IMMP2L: variants seen among roughly 807,000 people sequenced by gnomAD.
IMMP2L encodes mitochondrial inner membrane protease subunit 2.
In IMMP2L, 18 loss-of-function variants were observed where a neutral mutation model predicts 19.3. That is an observed-to-expected ratio of 0.93 (90% CI 0.64 to 1.38). The LOEUF (loss-of-function observed/expected upper bound fraction) is 1.38, where lower values mean the gene tolerates loss of function less well. Ranked by LOEUF, IMMP2L falls within the 40% of genes most tolerant of loss-of-function variation. The pLI, the probability that IMMP2L is intolerant of heterozygous loss-of-function variation, is 0.00. For synonymous variants in IMMP2L, 76 were observed against 73.0 expected (o/e 1.04, Z -0.21); for missense variants, 233 against 218.2 (o/e 1.07, Z -0.43).
rs986444046 is a variant in IMMP2L at position 111,289,419 on chromosome 7, T to TA, written c.239+197818dup. 2.9e-3 allele frequency among the ~76,000 whole-genome samples: 389 copies of TA among 134,430 alleles called. 1 individual carries two copies. The highest frequency in any genetic ancestry group is 7.1e-3 in the African/African-American group (258 of 36,494). The allele number at this position is 134,430 out of a possible 152,430, so 88.2% of individuals were successfully genotyped here. A position where few individuals can be genotyped will look rare whatever the true frequency, so the allele number is the denominator to read the frequency against. ...TGTACCCCAGAACTTAAAGTATAAT[T>TA]AAAAAAAAAAAAAGCCTGGAAAGAC... On this transcript the variant is annotated intron_variant, in intron 3 of 5. Transcript: ENST00000405709.
At chr7:111,216,295 T>G (rs553476281) in intron 3 of IMMP2L, among the ~76,000 whole-genome samples, 113 of 152,312 alleles carry the variant, frequency 7.4e-4, no homozygotes, top group South Asian at 3.3e-3. Context: ...GATGAAGGAT[T>G]AACTATATCA....
intron 4 of IMMP2L, among the ~76,000 whole-genome samples, chr7:110,938,026 T>A (rs2129552623): frequency 6.6e-6 from 1 of 152,238 alleles, no homozygotes; most frequent in East Asian, 1.9e-4. Context: ...CTCTCTCCCA[T>A]TCATGCTCCT....
At chr7:110,835,366 T>G (rs2131406044) in intron 5 of IMMP2L, among the ~76,000 whole-genome samples, 1 of 152,206 alleles carries the variant, frequency 6.6e-6, no homozygotes. Flanking sequence ...TAATATGCGG[T>G]ATGGCAGTGC....
intron 3 of IMMP2L, among the ~76,000 whole-genome samples, chr7:111,231,239 A>G (rs1040550646): frequency 3.3e-5 from 5 of 152,006 alleles, no homozygotes; most frequent in Non-Finnish European, 5.9e-5. Context: ...ATTTTACACC[A>G]TCATCTATTT....
chr7:111,289,460 T>G (rs919316313), intron 3 of IMMP2L, among the ~76,000 whole-genome samples: 1 of 151,886 alleles, frequency 6.6e-6, no homozygotes, highest in Non-Finnish European at 1.5e-5. Flanking sequence ...GGTGGCAAAT[T>G]CTGAATGATC....
At chr7:111,206,939 T>TA (rs35550604) in intron 3 of IMMP2L, among the ~76,000 whole-genome samples, 8 of 152,028 alleles carry the variant, frequency 5.3e-5, no homozygotes, top group East Asian at 3.9e-4. Context: ...AATAAGTGGA[T>TA]AAAAAAAAGA....
intron 3 of IMMP2L, among the ~76,000 whole-genome samples, chr7:111,416,939 T>C (rs1835006445): frequency 6.6e-6 from 1 of 151,770 alleles, no homozygotes; most frequent in Non-Finnish European, 1.5e-5. Flanking sequence ...AAATTAGATA[T>C]ATACTATCCA....
chr7:110,714,584 C>CTTTGTTTG (rs750709006), intron 5 of IMMP2L, among the ~76,000 whole-genome samples: 1 of 151,874 alleles, frequency 6.6e-6, no homozygotes, highest in Non-Finnish European at 1.5e-5. Flanking sequence ...TGGTACAGAG[C>CTTTGTTTG]TTTGTTTGTT....
At chr7:111,266,168 A>C (rs779493441) in intron 3 of IMMP2L, among the ~76,000 whole-genome samples, 1 of 152,184 alleles carries the variant, frequency 6.6e-6, no homozygotes, top group Non-Finnish European at 1.5e-5. Context: ...TATCTCTACA[A>C]ACATAAGTAA....
intron 3 of IMMP2L, among the ~76,000 whole-genome samples, chr7:111,252,993 A>G (rs924564250): frequency 6.6e-6 from 1 of 152,134 alleles, no homozygotes; most frequent in South Asian, 2.1e-4. Flanking sequence ...AGAGTTATAA[A>G]ATGTTCATAG....
At chr7:111,537,969 T>A (rs1269618959) in intron 1 of IMMP2L, among the ~76,000 whole-genome samples, 1 of 152,052 alleles carries the variant, frequency 6.6e-6, no homozygotes, top group East Asian at 1.9e-4. Flanking sequence ...CACCTTTCTT[T>A]GTTTTGGCCA....
chr7:110,701,790 T>TAAAG (rs915866481), intron 5 of IMMP2L, among the ~76,000 whole-genome samples: 4 of 152,176 alleles, frequency 2.6e-5, no homozygotes, highest in African/African-American at 9.7e-5. Flanking sequence ...GATAAATTTT[T>TAAAG]AAAGATCACA....
chr7:111,472,614 G>A (rs922795498), intron 3 of IMMP2L, among the ~76,000 whole-genome samples: 32 of 152,158 alleles, frequency 2.1e-4, no homozygotes, highest in African/African-American at 7.0e-4. Flanking sequence ...AACTATAAAT[G>A]TATTTATGCT....
At chr7:111,319,849 C>G (rs920034909) in intron 3 of IMMP2L, among the ~76,000 whole-genome samples, 18 of 152,042 alleles carry the variant, frequency 1.2e-4, no homozygotes, top group African/African-American at 4.1e-4. Flanking sequence ...TAGGGGATAA[C>G]TAATAGTTAA....
At chr7:110,704,402 T>C (rs1000306380) in intron 5 of IMMP2L, among the ~76,000 whole-genome samples, 1 of 152,226 alleles carries the variant, frequency 6.6e-6, no homozygotes, top group Non-Finnish European at 1.5e-5. Flanking sequence ...ACAATGCAAC[T>C]TTCCAATGCA....
At chr7:110,857,098 A>T (rs931119711) in intron 5 of IMMP2L, among the ~76,000 whole-genome samples, 2 of 152,112 alleles carry the variant, frequency 1.3e-5, no homozygotes, top group Non-Finnish European at 2.9e-5. Flanking sequence ...CTTTTGGGAT[A>T]GCTATTTGTG....
In IMMP2L at chr7:111,522,436, G is replaced by A. The variant is rs748201563; in HGVS notation, c.-2-987C>T. ...TGACAAGAGGCTAATATCCAAAAACGCATAAGGAACTCCAACAATTCAATA... is the reference window on the plus strand; with the variant it reads ...TGACAAGAGGCTAATATCCAAAAACACATAAGGAACTCCAACAATTCAATA... On this transcript the variant is annotated intron_variant, in intron 1 of 5. Coordinates refer to ENST00000405709, the MANE Select transcript of IMMP2L (RefSeq NM_032549.4). Among the ~76,000 whole-genome samples, 10 of 151,964 alleles carry A rather than the reference G, an allele frequency of 6.6e-5. No homozygotes were observed. In the South Asian group the frequency reaches 1.2e-3, roughly 19 times the overall value.
At chr7:111,311,233 C>T (rs1423608204) in intron 3 of IMMP2L, among the ~76,000 whole-genome samples, 1 of 151,618 alleles carries the variant, frequency 6.6e-6, no homozygotes, top group Non-Finnish European at 1.5e-5. Context: ...TAAACAAACT[C>T]CCTGGAACTA....
rs547065534 is a variant in IMMP2L, at chr7:110,929,824, A to G, written c.305+33676T>C. On this transcript the variant is annotated intron_variant, in intron 4 of 5. Transcript: ENST00000405709. ...TCACTTACTAATTCTTCTCTGATCAAGAAGTGACAGAGAAGGTGCCATTTA... is the reference window on the plus strand; with the variant it reads ...TCACTTACTAATTCTTCTCTGATCAGGAAGTGACAGAGAAGGTGCCATTTA... Among the ~76,000 whole-genome samples, 3 of 152,326 alleles carry G rather than the reference A, an allele frequency of 2.0e-5. No homozygotes were observed. The South Asian group carries it at 6.2e-4, about 32-fold the overall frequency.
Sources: gnomAD v4.1 joint callset for allele counts (sites outside exome capture counted in the v4.1 genomes callset) on GRCh38, gnomAD v4.1.1 for gene constraint, MANE v1.5 for transcripts, NCBI Gene and HGNC (gene_info 2026-07-23, HGNC 2026-07-21) for gene names.